The following ELMO1 variants were observed in gnomAD, a reference collection of about 807,000 sequenced individuals.
ELMO1 encodes the protein engulfment and cell motility 1.
ELMO1 carries 26 observed loss-of-function variants against 98.9 expected under a neutral mutation model. That is an observed-to-expected ratio of 0.26 (90% CI 0.19 to 0.36). The LOEUF is 0.36. ELMO1 is among the 10% of genes least tolerant of loss of function. The probability of loss-of-function intolerance (pLI) is 1.00; values close to 1 mark genes in which losing one functional copy is unlikely to be tolerated. For missense variants in ELMO1, 627 were observed against 935.2 expected, an observed-to-expected ratio of 0.67 and a Z score of 4.30; for synonymous variants, 346 against 346.0, an observed-to-expected ratio of 1.00 and a Z score of 0.00.
intron 15 of ELMO1, among the ~76,000 whole-genome samples, chr7:37,060,648 CAAAAA>C (rs1796619394): frequency 7.3e-6 from 1 of 137,614 alleles, no homozygotes; most frequent in Non-Finnish European, 1.5e-5. Flanking sequence ...CCTAAAAGTC[CAAAAA>C]TAAATAAATA....
intron 15 of ELMO1, among the ~76,000 whole-genome samples, chr7:37,032,987 C>A (rs1045570774): frequency 3.9e-5 from 6 of 152,122 alleles, no homozygotes; most frequent in African/African-American, 1.4e-4. Context: ...GAATCTAAAT[C>A]ATACTTCTAC....
intron 13 of ELMO1, among the ~76,000 whole-genome samples, chr7:37,190,643 ACC>A (rs1791507640): frequency 6.6e-6 from 1 of 151,900 alleles, no homozygotes; most frequent in South Asian, 2.1e-4. Flanking sequence ...GATTACGGGC[ACC>A]CTGCCAATCA....
intron 5 of ELMO1, among the ~76,000 whole-genome samples, chr7:37,265,423 C>A (rs1352392975): frequency 6.6e-6 from 1 of 152,046 alleles, no homozygotes; most frequent in African/African-American, 2.4e-5. Flanking sequence ...TAAAAACATC[C>A]ATTGACCCAG....
intron 13 of ELMO1, among the ~76,000 whole-genome samples, chr7:37,183,020 C>T (rs1357773363): frequency 6.6e-6 from 1 of 152,116 alleles, no homozygotes; most frequent in Non-Finnish European, 1.5e-5. Context: ...AGGACTAACA[C>T]ACGGAAGCTA....
intron 4 of ELMO1, among the ~76,000 whole-genome samples, chr7:37,309,965 T>C (rs567752819): frequency 1.3e-5 from 2 of 152,192 alleles, no homozygotes; most frequent in South Asian, 4.1e-4. Flanking sequence ...AGTGGAATCA[T>C]CTCCTGACCA....
At chr7:36,978,597 A>C (rs529435834) in intron 16 of ELMO1, among the ~76,000 whole-genome samples, 1 of 152,194 alleles carries the variant, frequency 6.6e-6, no homozygotes, top group Non-Finnish European at 1.5e-5. Context: ...AGCTATCCAG[A>C]AAGATTTATG....
Position 37,342,552 on chromosome 7 carries a change from T to C in ELMO1, c.78+61A>G. On this transcript the variant is annotated intron_variant, in intron 2 of 21. Transcript: ENST00000310758. The surrounding 1 kb of genome is among the most constrained non-coding windows in gnomAD (Gnocchi z 4.3). ...AGAAGAGTGAGCTATCCAAAGTCTA[T>C]GAAAATTCCAGTATAGAAAGGAAAC... 7 of 1,530,366 alleles carry C rather than the reference T, an allele frequency of 4.6e-6. No homozygotes were observed. Among genetic ancestry groups the C allele is most frequent in the African/African-American group, 1.4e-5 (1 of 73,472 alleles). The allele number at this position is 1,530,366 out of a possible 1,614,324, so 94.8% of individuals were successfully genotyped here. A position where few individuals can be genotyped will look rare whatever the true frequency, so the allele number is the denominator to read the frequency against.
At chr7:37,157,893 G>A (rs1788911164) in intron 13 of ELMO1, among the ~76,000 whole-genome samples, 1 of 152,068 alleles carries the variant, frequency 6.6e-6, no homozygotes, top group Non-Finnish European at 1.5e-5. Flanking sequence ...CACACTACCA[G>A]ACTTCAAACT....
chr7:37,126,644 A>G (rs1226461859), intron 14 of ELMO1, among the ~76,000 whole-genome samples: 1 of 152,220 alleles, frequency 6.6e-6, no homozygotes, highest in Non-Finnish European at 1.5e-5. Context: ...ATCCCAAAGG[A>G]AACAAGGAAA....
At chr7:37,031,479 A>G (rs189540338) in intron 15 of ELMO1, among the ~76,000 whole-genome samples, 21 of 152,178 alleles carry the variant, frequency 1.4e-4, no homozygotes, top group African/African-American at 5.1e-4. Flanking sequence ...ACCCTTCCTC[A>G]TCTCAATTCG....
chr7:37,236,372 T>C (rs1475123734), intron 7 of ELMO1, among the ~76,000 whole-genome samples: 1 of 152,194 alleles, frequency 6.6e-6, no homozygotes, highest in Non-Finnish European at 1.5e-5. Flanking sequence ...TAGAGCTATA[T>C]GTGCTTCTCA....
At chr7:37,281,879 G>A (rs1037713400) in intron 4 of ELMO1, among the ~76,000 whole-genome samples, 1 of 152,172 alleles carries the variant, frequency 6.6e-6, no homozygotes, top group African/African-American at 2.4e-5. Context: ...TGTACGAGGA[G>A]AATGACAAGT....
At chr7:36,917,665 T>C (rs975678170) in intron 16 of ELMO1, among the ~76,000 whole-genome samples, 11 of 152,216 alleles carry the variant, frequency 7.2e-5, no homozygotes, top group Non-Finnish European at 1.6e-4. Context: ...GGAACTCTGA[T>C]TTGTTTCTAT....
intron 15 of ELMO1, among the ~76,000 whole-genome samples, chr7:37,090,917 T>A (rs758470081): frequency 6.6e-6 from 1 of 152,198 alleles, no homozygotes; most frequent in Non-Finnish European, 1.5e-5. Flanking sequence ...GTGACCCTGA[T>A]CCTGACTCAT....
At chr7:37,404,811 T>A (rs906423978) in intron 1 of ELMO1, among the ~76,000 whole-genome samples, 4 of 152,250 alleles carry the variant, frequency 2.6e-5, no homozygotes, top group Non-Finnish European at 5.9e-5. Context: ...CTAAATAGAT[T>A]GTGGTCGCAA....
intron 1 of ELMO1, among the ~76,000 whole-genome samples, chr7:37,394,506 C>A (rs1384021930): frequency 6.6e-6 from 1 of 152,178 alleles, no homozygotes; most frequent in African/African-American, 2.4e-5. Context: ...ATTCTTACAA[C>A]AACCTAAGGA....
At position 37,372,190 on chromosome 7, in the gene ELMO1, G is replaced by C. The variant is rs554238255; in HGVS notation, c.-73-29427C>G. 2.0e-5 allele frequency among the ~76,000 whole-genome samples: 3 copies of C among 151,448 alleles called. No individual in the cohort carries two copies. The East Asian group carries it at 5.8e-4, about 29-fold the overall frequency. On this transcript the variant is annotated intron_variant, in intron 1 of 21. Coordinates refer to ENST00000310758, the MANE Select transcript of ELMO1 (RefSeq NM_014800.11). ...AATTTATTATAAAGAATCTAGTCTT[G>C]CCCCCACATTTTAAAAATAAGGAAA... is the stretch of plus-strand genomic sequence containing the variant.
At chr7:36,922,686 T>A (rs1444449577) in intron 16 of ELMO1, among the ~76,000 whole-genome samples, 1 of 152,162 alleles carries the variant, frequency 6.6e-6, no homozygotes, top group East Asian at 1.9e-4. Context: ...CGGGAGGGCA[T>A]CAAAGGGGCA....
intron 13 of ELMO1, among the ~76,000 whole-genome samples, chr7:37,194,987 G>T (rs1051666417): frequency 3.3e-5 from 5 of 152,210 alleles, no homozygotes; most frequent in African/African-American, 1.2e-4. Context: ...TGTGCTGGGT[G>T]CAAGAGATGC....
Sources: gnomAD v4.1 joint callset for allele counts (sites outside exome capture counted in the v4.1 genomes callset) on GRCh38, gnomAD v4.1.1 for gene constraint, Gnocchi (gnomAD v3.1) non-coding constraint, MANE v1.5 for transcripts, NCBI Gene and HGNC (gene_info 2026-07-23, HGNC 2026-07-21) for gene names.